The following L3MBTL4 variants were observed in gnomAD, a reference collection of about 807,000 sequenced individuals.
The protein encoded by L3MBTL4 is L3MBTL histone methyl-lysine binding protein 4.
In L3MBTL4, 70 loss-of-function variants were observed where a neutral mutation model predicts 84.5. The ratio of observed to expected loss-of-function variants is 0.83; its 90% confidence interval spans 0.68 to 1.01. L3MBTL4 has a LOEUF of 1.01. Among genes scored for constraint, L3MBTL4 ranks in the 50% least tolerant of loss-of-function variants. The pLI, the probability that L3MBTL4 is intolerant of heterozygous loss-of-function variation, is 0.00. For missense variants in L3MBTL4, 715 were observed against 754.8 expected (o/e 0.95, Z 0.62); for synonymous variants, 274 against 259.8 (o/e 1.05, Z -0.52).
At chr18:6,370,709 G>A (rs1028920791) in intron 1 of L3MBTL4, among the ~76,000 whole-genome samples, 3 of 152,272 alleles carry the variant, frequency 2.0e-5, no homozygotes, top group South Asian at 2.1e-4. Flanking sequence ...AGACTGAGCC[G>A]GGAGGTAGAC....
At chr18:5,972,059 G>A (rs1598322751) in intron 16 of L3MBTL4, among the ~76,000 whole-genome samples, 1 of 152,284 alleles carries the variant, frequency 6.6e-6, no homozygotes, top group Middle Eastern at 3.4e-3. Flanking sequence ...GGCTGTATAT[G>A]CCAAAGGGAG....
intron 16 of L3MBTL4, among the ~76,000 whole-genome samples, chr18:5,976,043 T>G (rs1335933698): frequency 6.6e-6 from 1 of 152,250 alleles, no homozygotes; most frequent in Admixed American, 6.5e-5. Context: ...CACTGCTTAG[T>G]GGGCTATCGA....
intron 18 of L3MBTL4, among the ~76,000 whole-genome samples, chr18:5,958,189 AGAG>A (rs1434323811): frequency 6.6e-6 from 1 of 151,892 alleles, no homozygotes; most frequent in Non-Finnish European, 1.5e-5. Flanking sequence ...ACGAAGAAGA[AGAG>A]GAAGAAAAAT....
chr18:6,297,997 G>T (rs956313580), intron 4 of L3MBTL4, among the ~76,000 whole-genome samples: 1 of 152,160 alleles, frequency 6.6e-6, no homozygotes, highest in African/African-American at 2.4e-5. Flanking sequence ...GTACCACAAT[G>T]ACTATCATAT....
chr18:6,217,874 G>GT (rs2046390569), intron 10 of L3MBTL4, among the ~76,000 whole-genome samples: 1 of 151,846 alleles, frequency 6.6e-6, no homozygotes, highest in Non-Finnish European at 1.5e-5. Flanking sequence ...TTTACCCATC[G>GT]TTTTTACTTT....
chr18:6,391,752 AACTACT>A (rs139560897), intron 1 of L3MBTL4, among the ~76,000 whole-genome samples: 1 of 150,114 alleles, frequency 6.7e-6, no homozygotes, highest in South Asian at 2.1e-4. Context: ...CAACAACAAC[AACTACT>A]ACTACTACTA....
intron 1 of L3MBTL4, among the ~76,000 whole-genome samples, chr18:6,349,787 G>A (rs2053091122): frequency 1.3e-5 from 2 of 152,154 alleles, no homozygotes; most frequent in African/African-American, 4.8e-5. Flanking sequence ...AAATCCAACT[G>A]AGGGAGAGTA....
intron 1 of L3MBTL4, among the ~76,000 whole-genome samples, chr18:6,383,103 T>G (rs2054665561): frequency 6.6e-6 from 1 of 152,100 alleles, no homozygotes; most frequent in Admixed American, 6.6e-5. Flanking sequence ...CAGCTTTGTT[T>G]ACACTGTGAG....
At chr18:6,353,505 T>C (rs560732372) in intron 1 of L3MBTL4, among the ~76,000 whole-genome samples, 23 of 152,142 alleles carry the variant, frequency 1.5e-4, no homozygotes, top group Admixed American at 2.6e-4. Flanking sequence ...AGATTTTTAC[T>C]ATCTTTGTTT....
At chr18:6,334,717 A>C (rs904750840) in intron 1 of L3MBTL4, among the ~76,000 whole-genome samples, 1 of 152,268 alleles carries the variant, frequency 6.6e-6, no homozygotes, top group Non-Finnish European at 1.5e-5. Flanking sequence ...TAGCAAATCT[A>C]CCTTCTAGTT....
chr18:6,286,602 A>C (rs752776386), intron 4 of L3MBTL4, among the ~76,000 whole-genome samples: 9 of 152,224 alleles, frequency 5.9e-5, no homozygotes, highest in Admixed American at 1.3e-4. Flanking sequence ...CTCGCTTCCC[A>C]AATAAAACGT....
At chr18:6,011,700 A>G (rs1392031774) in intron 16 of L3MBTL4, among the ~76,000 whole-genome samples, 1 of 152,204 alleles carries the variant, frequency 6.6e-6, no homozygotes. Context: ...CTCAACAAGC[A>G]AGTAGTCACT....
chr18:5,981,108 C>T (rs1450868051), intron 16 of L3MBTL4, among the ~76,000 whole-genome samples: 2 of 152,326 alleles, frequency 1.3e-5, no homozygotes, highest in East Asian at 3.9e-4. Flanking sequence ...CAAATATGCT[C>T]TCCCACCACT....
At chr18:6,110,710 G>C (rs769703488) in intron 14 of L3MBTL4, among the ~76,000 whole-genome samples, 1 of 152,058 alleles carries the variant, frequency 6.6e-6, no homozygotes, top group Non-Finnish European at 1.5e-5. Context: ...GTGCATGTGG[G>C]TGTACACATG....
intron 1 of L3MBTL4, among the ~76,000 whole-genome samples, chr18:6,369,037 G>A (rs2054049825): frequency 1.4e-5 from 2 of 139,976 alleles, no homozygotes; most frequent in South Asian, 4.7e-4. Context: ...GACAGACTCG[G>A]TCTCAAAAAT....
At chr18:6,163,531 A>G (rs145281694) in intron 13 of L3MBTL4, among the ~76,000 whole-genome samples, 1 of 152,218 alleles carries the variant, frequency 6.6e-6, no homozygotes, top group Admixed American at 6.5e-5. Context: ...AAAGTCAAAC[A>G]GCAAAAACTG....
At chr18:6,357,578 C>A (rs1457540026) in intron 1 of L3MBTL4, among the ~76,000 whole-genome samples, 1 of 152,122 alleles carries the variant, frequency 6.6e-6, no homozygotes, top group Admixed American at 6.5e-5. Flanking sequence ...ATGCTGACTG[C>A]CAGGTTTTAA....
chr18:6,257,648 T>C (rs1346832443), intron 5 of L3MBTL4, among the ~76,000 whole-genome samples: 1 of 147,758 alleles, frequency 6.8e-6, no homozygotes, highest in African/African-American at 2.5e-5. Flanking sequence ...TCTTTTTCTT[T>C]TTTTTTTTTT....
chr18:6,181,961 G>A (rs758478349), intron 12 of L3MBTL4, among the ~76,000 whole-genome samples: 9 of 152,236 alleles, frequency 5.9e-5, no homozygotes, highest in African/African-American at 1.2e-4. Flanking sequence ...AAGTAGTGCC[G>A]TGATGAACAT....
Sources: allele counts gnomAD v4.1 joint callset (sites outside exome capture counted in the v4.1 genomes callset), GRCh38; gene constraint gnomAD v4.1.1; transcripts MANE v1.5; gene names NCBI Gene and HGNC (gene_info 2026-07-23, HGNC 2026-07-21).